CRISPLD2: variants seen among roughly 807,000 people sequenced by gnomAD.
CRISPLD2 encodes the protein cysteine-rich secretory protein LCCL domain-containing 2.
A neutral mutation model predicts 71.1 loss-of-function variants in CRISPLD2; 47 were observed. The ratio of observed to expected loss-of-function variants is 0.66; its 90% confidence interval spans 0.52 to 0.84. The LOEUF is 0.84. Among genes scored for constraint, CRISPLD2 ranks in the 40% least tolerant of loss-of-function variants. The pLI is 0.00. For missense variants in CRISPLD2, 830 were observed against 651.1 expected (o/e 1.27, Z -2.99); for synonymous variants, 317 against 250.1 (o/e 1.27, Z -2.52).
In CRISPLD2 at chr16:84,854,186, C is replaced by A. The variant is rs550306932; in HGVS notation, c.609-543C>A. Among the ~76,000 whole-genome samples, 3 of 152,368 alleles carry A rather than the reference C, an allele frequency of 2.0e-5. No individual in the cohort carries two copies. The South Asian group carries it at 6.2e-4, about 32-fold the overall frequency. ...ACCTGGGGCAAGTCACTTAACCTCACTGTGCCACAGTTTCCTCCTCTGCAA... is the reference window on the plus strand; with the variant it reads ...ACCTGGGGCAAGTCACTTAACCTCAATGTGCCACAGTTTCCTCCTCTGCAA... On this transcript the variant is annotated intron_variant, in intron 5 of 14. Transcript: ENST00000262424.
At chr16:84,850,775 G>A in intron 5 of CRISPLD2, 92 bp downstream of exon 5, 1 of 911,156 alleles carries the variant, frequency 1.1e-6, no homozygotes, top group Non-Finnish European at 1.8e-6. Flanking sequence ...GAGCAGCGAA[G>A]TCTTTAATAT....
In CRISPLD2 at chr16:84,838,572, C is replaced by T. The variant is rs141769268; in HGVS notation, c.77C>T (p.Pro26Leu). The T allele has an allele frequency of 5.6e-5, 91 of 1,614,218 alleles. No individual in the cohort carries two copies. The East Asian group carries it at 1.9e-3, about 34-fold the overall frequency. Residue 26 changes from proline (P) to leucine (L), a missense_variant, in exon 2 of 15, where the codon CCC becomes CTC. Pro to Leu is a moderately conservative substitution (Grantham distance 98). Transcript: ENST00000262424. ...LVCGSQGYLL[P>L]NVTLLEELLS... Reference sequence around the variant, plus strand: ...TGCGGATCCCAAGGCTACCTCCTGCCCAACGTCACTCTCTTAGAGGAGCTG... The same window carrying T: ...TGCGGATCCCAAGGCTACCTCCTGCTCAACGTCACTCTCTTAGAGGAGCTG...
chr16:84,868,856 G>C lies in CRISPLD2; in HGVS notation c.859G>C (p.Val287Leu). ...KTSAVNYMTQ[V>L]VRCDTKMKDR... Reference sequence around the variant, plus strand: ...TTCCCGCATTTCTCTCCTAGCCCAAGTCGTCAGATGTGACACCAAGATGAA... The same window carrying C: ...TTCCCGCATTTCTCTCCTAGCCCAACTCGTCAGATGTGACACCAAGATGAA... Residue 287 changes from valine (V) to leucine (L), a missense_variant, in exon 8 of 15, where the codon GTC (valine) becomes CTC (leucine). Transcript: ENST00000262424. 6.2e-7 allele frequency: 1 copy of C among 1,612,046 alleles called. No homozygotes were observed. Among genetic ancestry groups the C allele is most frequent in the Non-Finnish European group, 8.5e-7 (1 of 1,179,100 alleles).
intron 3 of CRISPLD2, among the ~76,000 whole-genome samples, chr16:84,847,773 G>A (rs959888176): frequency 2.0e-4 from 30 of 152,176 alleles, no homozygotes; most frequent in Admixed American, 1.8e-3. Context: ...CACCTGGCTG[G>A]GCGCCGACGT....
intron 11 of CRISPLD2, among the ~76,000 whole-genome samples, chr16:84,876,694 A>G (rs1004819610): frequency 1.3e-5 from 2 of 152,020 alleles, no homozygotes; most frequent in Admixed American, 6.6e-5. Flanking sequence ...TCGGGAGGCT[A>G]AGGCAGGAGA....
At chr16:84,894,617 T>G (rs1405081330) in intron 14 of CRISPLD2, among the ~76,000 whole-genome samples, 2 of 152,150 alleles carry the variant, frequency 1.3e-5, no homozygotes, top group African/African-American at 2.4e-5. Flanking sequence ...TTCTAAAGTT[T>G]CTAGAAGCCA....
intron 11 of CRISPLD2, among the ~76,000 whole-genome samples, chr16:84,875,627 G>A (rs1445495111): frequency 6.6e-6 from 1 of 151,396 alleles, no homozygotes. Context: ...CGCAATTTCA[G>A]CTCACTGCAA....
At chr16:84,895,072 C>T (rs917484396) in intron 14 of CRISPLD2, among the ~76,000 whole-genome samples, 8 of 152,112 alleles carry the variant, frequency 5.3e-5, no homozygotes, top group African/African-American at 1.7e-4. Flanking sequence ...GGTTCCCCTC[C>T]TCCACTCGTA....
chr16:84,830,992 T>G lies in CRISPLD2; in HGVS notation c.-74-7430T>G, dbSNP rs372115226. Among the ~76,000 whole-genome samples, 18 of 152,154 alleles carry G rather than the reference T, an allele frequency of 1.2e-4. 1 individual carries two copies. Among genetic ancestry groups the G allele is most frequent in the East Asian group, 5.8e-4 (3 of 5,156 alleles). ...CAAGGCAGGCTGGTTTTTGCTTGGTTTTTGTTTTGGAAGCTGGTGGTGAAC... is the reference window on the plus strand; with the variant it reads ...CAAGGCAGGCTGGTTTTTGCTTGGTGTTTGTTTTGGAAGCTGGTGGTGAAC... On this transcript the variant is annotated intron_variant, in intron 1 of 14. Transcript: ENST00000262424.
At chr16:84,856,765 A>G (rs1917251907) in intron 6 of CRISPLD2, among the ~76,000 whole-genome samples, 1 of 152,158 alleles carries the variant, frequency 6.6e-6, no homozygotes, top group African/African-American at 2.4e-5. Context: ...TGTTCTATCA[A>G]TCCAGCTGCT....
intron 12 of CRISPLD2, among the ~76,000 whole-genome samples, chr16:84,878,874 C>G (rs1196836175): frequency 6.6e-6 from 1 of 152,220 alleles, no homozygotes; most frequent in Non-Finnish European, 1.5e-5. Context: ...TGACTTAGCT[C>G]CATTGTAGAA....
At chr16:84,859,810 C>T (rs1476157334) in intron 6 of CRISPLD2, among the ~76,000 whole-genome samples, 1 of 152,202 alleles carries the variant, frequency 6.6e-6, no homozygotes, top group African/African-American at 2.4e-5. Flanking sequence ...GGTAGCTATG[C>T]CCACCTTACT....
chr16:84,863,893 G>A (rs187829865), intron 6 of CRISPLD2, among the ~76,000 whole-genome samples: 252 of 146,392 alleles, frequency 1.7e-3, no homozygotes, highest in African/African-American at 5.9e-3. Context: ...GGCGGCGGAG[G>A]TTGCAGTGAG....
At chr16:84,820,167 A>G (rs1916199036) in intron 1 of CRISPLD2, 34 bp downstream of exon 1, 1 of 152,046 alleles carries the variant, frequency 6.6e-6, no homozygotes, top group Admixed American at 6.6e-5. Context: ...CCCTTTTGCA[A>G]ACTGTTACCC....
chr16:84,889,397 T>A (rs560019859), intron 14 of CRISPLD2, 34 bp downstream of exon 14: 1 of 1,581,466 alleles, frequency 6.3e-7, no homozygotes, highest in Admixed American at 1.7e-5. Context: ...TGACACCCAA[T>A]CCCGGCTGCT....
chr16:84,883,149 A>G (rs2071583010), intron 13 of CRISPLD2, among the ~76,000 whole-genome samples: 1 of 152,206 alleles, frequency 6.6e-6, no homozygotes, highest in Non-Finnish European at 1.5e-5. Flanking sequence ...GAAGGAGGGA[A>G]GAGGGAAGGA....
chr16:84,873,364 G>A lies in CRISPLD2; in HGVS notation c.1112+242G>A, dbSNP rs1035706401. On this transcript the variant is annotated intron_variant, in intron 10 of 14. Coordinates refer to ENST00000262424, the MANE Select transcript of CRISPLD2 (RefSeq NM_031476.4). ...GTGGTGGCAGGCACCTGTAATCCCA[G>A]CTACTCTCAGGAGGCTACGGCAGAA... 4.8e-5 allele frequency: 15 copies of A among 310,392 alleles called. No individual in the cohort carries two copies. In the East Asian group the frequency reaches 1.3e-3, roughly 26 times the overall value. 19.2% of individuals were successfully genotyped at this position (310,392 alleles called of 1,614,324 possible). A position where few individuals can be genotyped will look rare whatever the true frequency, so the allele number is the denominator to read the frequency against.
At chr16:84,893,167 G>T (rs2934476) in intron 14 of CRISPLD2, among the ~76,000 whole-genome samples, 1 of 151,626 alleles carries the variant, frequency 6.6e-6, no homozygotes, top group Non-Finnish European at 1.5e-5. Flanking sequence ...TGCTCCCCCA[G>T]TCCCCAGCAG....
At chr16:84,840,472 C>T (rs1916739823) in intron 2 of CRISPLD2, among the ~76,000 whole-genome samples, 6 of 152,182 alleles carry the variant, frequency 3.9e-5, no homozygotes, top group Admixed American at 2.0e-4. Flanking sequence ...CCAAAACCTG[C>T]ACATAGAAGG....
Sources: allele counts gnomAD v4.1 joint callset (sites outside exome capture counted in the v4.1 genomes callset), GRCh38; gene constraint gnomAD v4.1.1; transcripts MANE v1.5; gene names NCBI Gene and HGNC (gene_info 2026-07-23, HGNC 2026-07-21).